ANKRD28: variants seen among roughly 807,000 people sequenced by gnomAD.
ANKRD28 encodes ankyrin repeat domain 28.
A neutral mutation model predicts 126.5 loss-of-function variants in ANKRD28; 44 were observed. The ratio of observed to expected loss-of-function variants is 0.35; its 90% confidence interval spans 0.27 to 0.45. ANKRD28 has a LOEUF of 0.45. ANKRD28 is among the 20% of genes least tolerant of loss of function. The probability of loss-of-function intolerance (pLI) is 1.00; values close to 1 mark genes in which losing one functional copy is unlikely to be tolerated. For missense variants in ANKRD28, 1,110 were observed against 1,316.6 expected, an observed-to-expected ratio of 0.84 and a Z score of 2.43; for synonymous variants, 442 against 468.5, an observed-to-expected ratio of 0.94 and a Z score of 0.73.
chr3:15,678,724 A>G (rs1575104863), intron 23 of ANKRD28, among the ~76,000 whole-genome samples: 1 of 152,332 alleles, frequency 6.6e-6, no homozygotes, highest in East Asian at 1.9e-4. Context: ...AAAACTGTTA[A>G]CTTTGTTAAC....
chr3:15,674,960 C>T (rs567053945), intron 27 of ANKRD28, among the ~76,000 whole-genome samples: 4 of 151,896 alleles, frequency 2.6e-5, no homozygotes, highest in South Asian at 2.1e-4. Flanking sequence ...CCTGACTATA[C>T]GGAAATTAAG....
At chr3:15,706,844 T>G (rs1029116721) in intron 14 of ANKRD28, among the ~76,000 whole-genome samples, 6 of 152,222 alleles carry the variant, frequency 3.9e-5, no homozygotes, top group African/African-American at 4.8e-5. Flanking sequence ...TGACCAGTGA[T>G]GATGAGCATT....
chr3:15,788,953 C>T (rs1481970348), intron 2 of ANKRD28, among the ~76,000 whole-genome samples: 4 of 152,070 alleles, frequency 2.6e-5, no homozygotes, highest in Non-Finnish European at 5.9e-5. Flanking sequence ...ATTCACTCAA[C>T]TTGTATAGCC....
intron 1 of ANKRD28, among the ~76,000 whole-genome samples, chr3:15,856,320 C>T (rs1204700273): frequency 6.6e-6 from 1 of 152,200 alleles, no homozygotes; most frequent in African/African-American, 2.4e-5. Context: ...GTCTTCTAAA[C>T]ACTGAAGCCC....
At position 15,817,449 on chromosome 3, in the gene ANKRD28, G is replaced by C. The variant is rs1038589699; in HGVS notation, c.28-22143C>G. ...GTACTCACCTTCTAATAAGGGAAAA[G>C]AGAAATAAAAAGTAAACTACAAAGC... On this transcript the variant is annotated intron_variant, in intron 1 of 27. Coordinates refer to the ANKRD28 transcript ENST00000399451. This position sits in a 1 kb window ranked among gnomAD's most constrained non-coding sequence, Gnocchi z 4.5. Among the ~76,000 whole-genome samples the C allele has an allele frequency of 6.6e-6, 1 of 152,096 alleles. No individual in the cohort carries two copies. The highest frequency in any genetic ancestry group is 6.5e-5 in the Admixed American group (1 of 15,270).
intron 14 of ANKRD28, among the ~76,000 whole-genome samples, chr3:15,701,847 C>T (rs937250259): frequency 6.6e-6 from 1 of 151,880 alleles, no homozygotes; most frequent in Non-Finnish European, 1.5e-5. Flanking sequence ...TCCTTGGTGC[C>T]GAATTCAGAG....
chr3:15,709,784 T>A (rs895183153), intron 12 of ANKRD28, 48 bp from the exon 13 acceptor site: 3 of 1,289,790 alleles, frequency 2.3e-6, no homozygotes, highest in Non-Finnish European at 3.2e-6. Flanking sequence ...AGTGATTTTA[T>A]AATGAAATTG....
intron 1 of ANKRD28, among the ~76,000 whole-genome samples, chr3:15,859,186 C>A (rs1284064964): frequency 3.9e-5 from 6 of 152,232 alleles, no homozygotes; most frequent in Admixed American, 2.0e-4. Flanking sequence ...TTCACCCAGG[C>A]CCCGGCAGCT....
At chr3:15,784,506 A>C (rs1047835974) in intron 2 of ANKRD28, among the ~76,000 whole-genome samples, 7 of 152,006 alleles carry the variant, frequency 4.6e-5, no homozygotes, top group African/African-American at 1.7e-4. Context: ...TTACTTAAAA[A>C]AAAAAGAGGT....
chr3:15,783,372 C>T (rs1197786792), intron 2 of ANKRD28, among the ~76,000 whole-genome samples: 3 of 151,900 alleles, frequency 2.0e-5, no homozygotes, highest in South Asian at 2.1e-4. Flanking sequence ...ACTGATTATA[C>T]GAAATATTTG....
intron 1 of ANKRD28, among the ~76,000 whole-genome samples, chr3:15,804,616 A>G (rs2060538473): frequency 6.9e-6 from 1 of 145,756 alleles, no homozygotes; most frequent in Non-Finnish European, 1.5e-5. Context: ...TCCAGGATAG[A>G]TAAGAACAAA....
chr3:15,783,438 T>C (rs1184545881), intron 2 of ANKRD28, among the ~76,000 whole-genome samples: 2 of 152,016 alleles, frequency 1.3e-5, no homozygotes, highest in African/African-American at 4.8e-5. Flanking sequence ...CGTAAAATGA[T>C]ACAATCAGTT....
rs1179162988 is a variant in ANKRD28, at chr3:15,671,535, G to A, written c.2966-979C>T. 3.3e-5 allele frequency among the ~76,000 whole-genome samples: 5 copies of A among 151,502 alleles called. No individual in the cohort carries two copies. The East Asian group carries it at 7.7e-4, about 23-fold the overall frequency. ...GGTAACTACTATCCTGACTTATGGG[G>A]TAGTAATTTCCTTGCTTTCAACTTG... On this transcript the variant is annotated intron_variant, in intron 27 of 27. Coordinates refer to ENST00000683139, the MANE Select transcript of ANKRD28 (RefSeq NM_001349278.2).
chr3:15,741,142 T>A (rs1454612241), intron 4 of ANKRD28, among the ~76,000 whole-genome samples: 1 of 151,730 alleles, frequency 6.6e-6, no homozygotes, highest in South Asian at 2.1e-4. Context: ...GAGCTTGCAG[T>A]GAGCCGAGAT....
At chr3:15,716,775 A>G (rs192580917) in intron 8 of ANKRD28, among the ~76,000 whole-genome samples, 116 of 152,336 alleles carry the variant, frequency 7.6e-4, no homozygotes, top group Middle Eastern at 3.4e-3. Context: ...ATTTATGTAT[A>G]CATAGCACGT....
At chr3:15,751,315 C>A (rs938773368) in intron 4 of ANKRD28, among the ~76,000 whole-genome samples, 1 of 152,112 alleles carries the variant, frequency 6.6e-6, no homozygotes, top group African/African-American at 2.4e-5. Context: ...ATATTTATAA[C>A]CAGTAAAATG....
chr3:15,784,032 A>G (rs2059658679), intron 2 of ANKRD28, among the ~76,000 whole-genome samples: 2 of 151,836 alleles, frequency 1.3e-5, no homozygotes, highest in Non-Finnish European at 2.9e-5. Flanking sequence ...TATTTAAAGC[A>G]TTGACAGAAA....
chr3:15,773,623 GA>G (rs907359882), intron 2 of ANKRD28, among the ~76,000 whole-genome samples: 5 of 146,770 alleles, frequency 3.4e-5, no homozygotes, highest in African/African-American at 7.5e-5. Flanking sequence ...TGTCAAAAAA[GA>G]AAAAAAAAAT....
At chr3:15,841,220 A>G (rs1559590487) in intron 1 of ANKRD28, among the ~76,000 whole-genome samples, 1 of 152,238 alleles carries the variant, frequency 6.6e-6, no homozygotes, top group Non-Finnish European at 1.5e-5. Flanking sequence ...ACTTAAATCC[A>G]AGACCTCAAA....
Sources: allele counts gnomAD v4.1 joint callset (sites outside exome capture counted in the v4.1 genomes callset), GRCh38; gene constraint gnomAD v4.1.1; non-coding constraint Gnocchi (gnomAD v3.1); transcripts MANE v1.5; gene names NCBI Gene and HGNC (gene_info 2026-07-23, HGNC 2026-07-21).